Variants in AFG3L2 observed in about 807,000 individuals in gnomAD.
AFG3L2 encodes mitochondrial inner membrane m-AAA protease component AFG3L2.
In AFG3L2, 54 loss-of-function variants were observed where a neutral mutation model predicts 94.5. The ratio of observed to expected loss-of-function variants is 0.57; its 90% CI spans 0.46 to 0.72. The LOEUF is 0.72. Ranked by LOEUF, AFG3L2 falls within the 30% of genes least tolerant of loss-of-function variation. AFG3L2 has a pLI of 0.00. For missense variants in AFG3L2, 754 were observed against 994.9 expected (o/e 0.76, Z 3.26); for synonymous variants, 377 against 365.5 (o/e 1.03, Z -0.36).
At chr18:12,344,413 G>GC in intron 13 of AFG3L2, 166 bp from the exon 14 acceptor site, 1 of 646,106 alleles carries the variant, frequency 1.5e-6, no homozygotes, top group Non-Finnish European at 2.8e-6. Flanking sequence ...AGTGGCTCAT[G>GC]CCTGTAATCC....
intron 5 of AFG3L2, 142 bp from the exon 6 acceptor site, chr18:12,363,998 C>G (rs868801940): frequency 7.0e-6 from 5 of 714,354 alleles, no homozygotes; most frequent in East Asian, 2.7e-5. Flanking sequence ...CATGTTCCCC[C>G]CTATAATTCT....
chr18:12,360,283 G>C, intron 6 of AFG3L2: 1 of 484,324 alleles, frequency 2.1e-6, no homozygotes, highest in Non-Finnish European at 3.6e-6. Context: ...TATCTCAGTG[G>C]CTCTAAAATT....
chr18:12,358,538 G>C (rs1908562125), intron 8 of AFG3L2, 132 bp downstream of exon 8: 30 of 1,208,636 alleles, frequency 2.5e-5, no homozygotes, highest in Admixed American at 1.0e-4. Context: ...GTTGGGCAGA[G>C]GCTAGCCTAG....
At chr18:12,331,382 G>C (rs1289837901) in intron 16 of AFG3L2, among the ~76,000 whole-genome samples, 2 of 152,224 alleles carry the variant, frequency 1.3e-5, no homozygotes, top group Non-Finnish European at 2.9e-5. Context: ...AAAGCTTGCT[G>C]CTCATGCTGC....
At chr18:12,355,357 C>T (rs80055379) in intron 9 of AFG3L2, among the ~76,000 whole-genome samples, 4,782 of 152,164 alleles carry the variant, frequency 0.031, 116 homozygotes, top group Non-Finnish European at 0.044. Context: ...AACATCACTC[C>T]TCATCATGGA....
At chr18:12,370,203 C>A (rs1908938133) in intron 3 of AFG3L2, among the ~76,000 whole-genome samples, 1 of 152,048 alleles carries the variant, frequency 6.6e-6, no homozygotes, top group Non-Finnish European at 1.5e-5. Context: ...TAAAACACTG[C>A]CCTAAACACA....
rs1907438646 is a variant in AFG3L2, at chr18:12,329,352, T to C, written c.*213A>G. Reference sequence around the variant, plus strand: ...GGAGCCCAATGAGGCTATGGGACAGTGTGCATTTCCCTCAAGGCCTCCGGA... The same window carrying C: ...GGAGCCCAATGAGGCTATGGGACAGCGTGCATTTCCCTCAAGGCCTCCGGA... On this transcript the variant is annotated 3_prime_UTR_variant, in exon 17 of 17. Coordinates refer to ENST00000269143, the MANE Select transcript of AFG3L2 (RefSeq NM_006796.3). The C allele has an allele frequency of 1.5e-5, 10 of 672,090 alleles. No individual in the cohort carries two copies. Among genetic ancestry groups the C allele is most frequent in the Non-Finnish European group, 2.4e-5 (9 of 372,888 alleles). The allele number at this position is 672,090 out of a possible 1,614,324, so 41.6% of individuals were successfully genotyped here. A position where few individuals can be genotyped will look rare whatever the true frequency, so the allele number is the denominator to read the frequency against.
chr18:12,367,149 A>T, intron 4 of AFG3L2, 32 bp from the exon 5 acceptor site: 5 of 1,614,048 alleles, frequency 3.1e-6, no homozygotes, highest in Non-Finnish European at 4.2e-6. Context: ...TTCTGTGAAG[A>T]ATGAAATTCC....
intron 6 of AFG3L2, among the ~76,000 whole-genome samples, chr18:12,363,402 C>T (rs556354612): frequency 2.2e-4 from 33 of 152,270 alleles, no homozygotes; most frequent in South Asian, 1.9e-3. Flanking sequence ...TGCTTTTAAA[C>T]TAATTTGATA....
intron 10 of AFG3L2, 102 bp downstream of exon 10, chr18:12,352,903 C>T (rs981282536): frequency 8.1e-5 from 124 of 1,527,124 alleles, no homozygotes; most frequent in Non-Finnish European, 9.4e-5. Flanking sequence ...TGCAGTGAGC[C>T]GAAATCACAC....
intron 3 of AFG3L2, among the ~76,000 whole-genome samples, chr18:12,369,726 A>G (rs1908919212): frequency 6.7e-6 from 1 of 148,910 alleles, no homozygotes; most frequent in Admixed American, 6.7e-5. Context: ...AAAAAAAAAA[A>G]GAAACTGAAT....
intron 9 of AFG3L2, among the ~76,000 whole-genome samples, chr18:12,354,762 G>A (rs1236305271): frequency 2.6e-5 from 4 of 151,362 alleles, no homozygotes; most frequent in Non-Finnish European, 5.9e-5. Context: ...CAACCCACCA[G>A]GCCCACCCTT....
chr18:12,369,072 A>G (rs1306845558), intron 3 of AFG3L2, among the ~76,000 whole-genome samples: 2 of 152,064 alleles, frequency 1.3e-5, no homozygotes, highest in Non-Finnish European at 2.9e-5. Context: ...TCTCGAGTGG[A>G]GTCTGAGACA....
In AFG3L2 at chr18:12,377,061, G is replaced by A; in HGVS notation, c.22C>T (p.Leu8=). The change falls in exon 1 of 17, where the codon CTG becomes TTG. Residue 8 remains leucine (L), a synonymous_variant. Transcript: ENST00000269143. MAHRCLR[L]WGRGGCWPRG... is the part of the protein sequence containing the mutation. ...GGCCAGCAGCCGCCCCGGCCCCACA[G>A]CCGCAAACAGCGGTGCGCCATGGCC... is the stretch of plus-strand genomic sequence containing the variant. 3 of 1,433,896 alleles carry A rather than the reference G, an allele frequency of 2.1e-6. No individual in the cohort carries two copies. Among genetic ancestry groups the A allele is most frequent in the Non-Finnish European group, 2.7e-6 (3 of 1,094,748 alleles). 88.8% of individuals were successfully genotyped at this position (1,433,896 alleles called of 1,614,324 possible).
chr18:12,356,741 T>C lies in AFG3L2; in HGVS notation c.1117A>G (p.Ser373Gly), dbSNP rs1297419090. Residue 373 changes from serine to glycine, a missense_variant, in exon 9 of 17, where the codon AGT becomes GGT. Coordinates refer to ENST00000269143, the MANE Select transcript of AFG3L2 (RefSeq NM_006796.3). ...AACATCTCCAAAAACTCAGATCCAC[T>C]AACGGTGATGAAGGGGACATTGGCT... Reference protein sequence around the residue: ...GEANVPFITVSGSEFLEMFVG... With the variant: ...GEANVPFITVGGSEFLEMFVG... The C allele has an allele frequency of 6.2e-7, 1 of 1,614,054 alleles. No homozygotes were observed. Among genetic ancestry groups the C allele is most frequent in the Non-Finnish European group, 8.5e-7 (1 of 1,180,036 alleles).
In AFG3L2 at chr18:12,348,135, A is replaced by C. The variant is rs1908204417; in HGVS notation, c.1663+138T>G. On this transcript the variant is annotated intron_variant, in intron 13 of 16. Coordinates refer to ENST00000269143, the MANE Select transcript of AFG3L2 (RefSeq NM_006796.3). Reference sequence around the variant, plus strand: ...AGGCATGGGAGGGGCCATGACACCAAGAGAGCACAAATGTGGTGGGCCCCA... The same window carrying C: ...AGGCATGGGAGGGGCCATGACACCACGAGAGCACAAATGTGGTGGGCCCCA... 4.1e-6 allele frequency: 3 copies of C among 740,262 alleles called. No individual in the cohort carries two copies. In the African/African-American group the frequency reaches 5.2e-5, roughly 13 times the overall value. 45.9% of individuals were successfully genotyped at this position (740,262 alleles called of 1,614,324 possible). A position where few individuals can be genotyped will look rare whatever the true frequency, so the allele number is the denominator to read the frequency against.
At chr18:12,339,624 A>T (rs1161267679) in intron 15 of AFG3L2, among the ~76,000 whole-genome samples, 1 of 150,736 alleles carries the variant, frequency 6.6e-6, no homozygotes, top group Non-Finnish European at 1.5e-5. Context: ...GGGAGGCTGG[A>T]GGATCACAAG....
Position 12,344,258 on chromosome 18 carries a change from AAC to A in AFG3L2, c.1664-13_1664-12del. ...TTTTCTTCTCTAAGCCTAACAAAATAACAACAAAAAAACCCAAGCCATTGTTA... is the reference window on the plus strand; with the variant it reads ...TTTTCTTCTCTAAGCCTAACAAAATAAACAAAAAAACCCAAGCCATTGTTA... On this transcript the variant is annotated splice_polypyrimidine_tract_variant and intron_variant, in intron 13 of 16. Coordinates refer to ENST00000269143, the MANE Select transcript of AFG3L2 (RefSeq NM_006796.3). 6.2e-7 allele frequency: 1 copy of A among 1,608,026 alleles called. No individual in the cohort carries two copies. The highest frequency in any genetic ancestry group is 1.3e-5 in the African/African-American group (1 of 74,908).
intron 9 of AFG3L2, among the ~76,000 whole-genome samples, chr18:12,353,514 CAAAAAA>C (rs71172076): frequency 1.4e-4 from 11 of 81,060 alleles, no homozygotes; most frequent in African/African-American, 3.8e-4. Flanking sequence ...AATTCTGTCT[CAAAAAA>C]AAAAAAAAAA....
Sources: allele counts gnomAD v4.1 joint callset (sites outside exome capture counted in the v4.1 genomes callset), GRCh38; gene constraint gnomAD v4.1.1; transcripts MANE v1.5; gene names NCBI Gene and HGNC (gene_info 2026-07-23, HGNC 2026-07-21).